The following LEKR1 variants were observed in gnomAD, a reference collection of about 807,000 sequenced individuals.
The protein encoded by LEKR1 is leucine, glutamate and lysine rich 1.
A neutral mutation model predicts 72.4 loss-of-function variants in LEKR1; 59 were observed. The observed-to-expected ratio is 0.82, with a 90% CI of 0.66 to 1.01. The LOEUF is 1.01. Ranked by LOEUF, LEKR1 falls within the 50% of genes least tolerant of loss-of-function variation. LEKR1 has a pLI of 0.00. For synonymous variants in LEKR1, 257 were observed against 263.2 expected (o/e 0.98, Z 0.23); for missense variants, 728 against 759.2 (o/e 0.96, Z 0.48).
chr3:156,910,986 C>G (rs1723050860), intron 3 of LEKR1, among the ~76,000 whole-genome samples: 1 of 152,104 alleles, frequency 6.6e-6, no homozygotes. Context: ...CCTCTGCAGC[C>G]CGGCCAGCAT....
Position 157,028,123 on chromosome 3 carries a change from C to A in LEKR1, c.1389C>A (p.Gly463=). ...LQMKISDLIT[G]ATRDLRQEVT... is the part of the protein sequence containing the mutation. ...TACAGATATCTGACTTAATCACAGG[C>A]GCTACAAGAGATCTAAGGCAGGAAG... Residue 463 remains glycine (G), a synonymous_variant, in exon 12 of 13, where the codon GGC becomes GGA. Coordinates refer to ENST00000356539, the MANE Select transcript of LEKR1 (RefSeq NM_001004316.3). 1 of 1,590,766 alleles carries A rather than the reference C, an allele frequency of 6.3e-7. No individual in the cohort carries two copies. The highest frequency in any genetic ancestry group is 1.8e-5 in the Admixed American group (1 of 56,764).
chr3:157,027,676 G>A (rs981511755), intron 11 of LEKR1, among the ~76,000 whole-genome samples: 6 of 152,088 alleles, frequency 3.9e-5, no homozygotes, highest in Admixed American at 3.3e-4. Context: ...TTAGCCAGGG[G>A]TGGTGGCATG....
At chr3:156,984,265 A>G (rs193129544) in intron 7 of LEKR1, among the ~76,000 whole-genome samples, 3 of 152,278 alleles carry the variant, frequency 2.0e-5, no homozygotes, top group African/African-American at 4.8e-5. Flanking sequence ...ACTCTATTAT[A>G]TATTGCTTGA....
chr3:156,926,637 T>C (rs1724742112), intron 4 of LEKR1, among the ~76,000 whole-genome samples: 1 of 151,988 alleles, frequency 6.6e-6, no homozygotes, highest in Admixed American at 6.6e-5. Flanking sequence ...TTCTCACTTT[T>C]CCATTTCTCC....
At chr3:156,885,753 G>A (rs902263375) in intron 3 of LEKR1, among the ~76,000 whole-genome samples, 3 of 152,248 alleles carry the variant, frequency 2.0e-5, no homozygotes, top group Non-Finnish European at 4.4e-5. Flanking sequence ...GGTTATGCTA[G>A]CAGTGAAGCT....
At position 156,875,356 on chromosome 3, in the gene LEKR1, A is replaced by G. The variant is rs182208674; in HGVS notation, c.263+22374A>G. Among the ~76,000 whole-genome samples, 198 of 152,128 alleles carry G rather than the reference A, an allele frequency of 1.3e-3. 1 individual carries two copies. The highest frequency in any genetic ancestry group is 2.0e-3 in the Non-Finnish European group (133 of 67,988). ...AATGGTCTATTCATGTCCTTAGCCC[A>G]CTTTTTGATGGGGTTATTTGTTTTC... On this transcript the variant is annotated intron_variant, in intron 3 of 12. Coordinates refer to ENST00000356539, the MANE Select transcript of LEKR1 (RefSeq NM_001004316.3).
intron 6 of LEKR1, among the ~76,000 whole-genome samples, chr3:156,956,703 G>C (rs1047181074): frequency 4.0e-5 from 6 of 151,804 alleles, no homozygotes; most frequent in African/African-American, 1.5e-4. Context: ...CTATTAAAAA[G>C]GTAGAATTTT....
intron 3 of LEKR1, among the ~76,000 whole-genome samples, chr3:156,882,695 A>G (rs1441366188): frequency 2.0e-5 from 3 of 152,210 alleles, no homozygotes; most frequent in Admixed American, 1.3e-4. Context: ...ATAAAGACAC[A>G]TGCACACGTA....
intron 6 of LEKR1, among the ~76,000 whole-genome samples, chr3:156,953,713 G>T (rs183570872): frequency 2.0e-3 from 300 of 151,922 alleles, no homozygotes; most frequent in African/African-American, 6.3e-3. Context: ...CCTTTTTATG[G>T]CTGCATAGTA....
intron 9 of LEKR1, among the ~76,000 whole-genome samples, chr3:157,002,100 T>C (rs1037145554): frequency 6.6e-6 from 1 of 152,162 alleles, no homozygotes; most frequent in Non-Finnish European, 1.5e-5. Flanking sequence ...CTTTATTAGA[T>C]TCTTAGTAAA....
At chr3:157,019,446 A>C (rs1418915247) in intron 10 of LEKR1, among the ~76,000 whole-genome samples, 6 of 152,224 alleles carry the variant, frequency 3.9e-5, no homozygotes, top group African/African-American at 1.4e-4. Context: ...GCCTTCACCA[A>C]GGAGATGGAG....
At chr3:156,957,097 A>G (rs931308631) in intron 6 of LEKR1, among the ~76,000 whole-genome samples, 13 of 152,074 alleles carry the variant, frequency 8.5e-5, no homozygotes, top group African/African-American at 2.4e-4. Context: ...AATCAGAAGA[A>G]GAAAATTATT....
chr3:156,920,852 T>C (rs1242580726), intron 4 of LEKR1, 158 bp downstream of exon 4: 1 of 482,796 alleles, frequency 2.1e-6, no homozygotes, highest in Non-Finnish European at 3.6e-6. Context: ...TTTAAACCAT[T>C]ATCTCAATGA....
At chr3:156,920,752 T>C in intron 4 of LEKR1, 58 bp downstream of exon 4, 1 of 935,722 alleles carries the variant, frequency 1.1e-6, no homozygotes, top group Non-Finnish European at 1.5e-6. Flanking sequence ...ATACTAACTT[T>C]GTAAATAGCC....
intron 3 of LEKR1, among the ~76,000 whole-genome samples, chr3:156,910,168 G>T (rs1722968804): frequency 6.6e-6 from 1 of 152,054 alleles, no homozygotes; most frequent in African/African-American, 2.4e-5. Flanking sequence ...GATTCAGGGG[G>T]TACGTGTGCA....
chr3:156,854,393 A>C (rs1364632432), intron 3 of LEKR1, among the ~76,000 whole-genome samples: 1 of 151,848 alleles, frequency 6.6e-6, no homozygotes, highest in African/African-American at 2.4e-5. Context: ...TGATCTGCCC[A>C]CCTGGGCCTC....
Position 157,046,088 on chromosome 3 carries a change from A to G in LEKR1, c.*338A>G. On this transcript the variant is annotated 3_prime_UTR_variant, in exon 13 of 13. Transcript: ENST00000356539. ...TCTTTTCAATTTCTTGCGCCACTAC[A>G]AGCAGATATATTTCCACAAAAAAAT... is the stretch of plus-strand genomic sequence containing the variant. The G allele has an allele frequency of 4.8e-6, 1 of 210,300 alleles. No homozygotes were observed. The highest frequency in any genetic ancestry group is 9.5e-6 in the Non-Finnish European group (1 of 105,122). 13.0% of individuals were successfully genotyped at this position (210,300 alleles called of 1,614,324 possible).
chr3:157,040,897 G>A (rs1035552137), intron 12 of LEKR1, among the ~76,000 whole-genome samples: 3 of 151,956 alleles, frequency 2.0e-5, no homozygotes. Context: ...GAACAATCAA[G>A]TTACACAGTA....
intron 3 of LEKR1, among the ~76,000 whole-genome samples, chr3:156,884,762 A>T (rs1343715078): frequency 6.6e-6 from 1 of 152,150 alleles, no homozygotes; most frequent in Non-Finnish European, 1.5e-5. Flanking sequence ...TGCCTAGGCG[A>T]TGATCTTTTT....
Sources: allele counts gnomAD v4.1 joint callset (sites outside exome capture counted in the v4.1 genomes callset), GRCh38; gene constraint gnomAD v4.1.1; transcripts MANE v1.5; gene names NCBI Gene and HGNC (gene_info 2026-07-23, HGNC 2026-07-21).